Variants in CSF2RB observed in about 807,000 individuals in gnomAD.
CSF2RB encodes the protein colony stimulating factor 2 receptor subunit beta.
Under a neutral mutation model 67.2 loss-of-function variants are expected in CSF2RB, and 22 were observed. That is an observed-to-expected ratio of 0.33 (90% CI 0.23 to 0.47). CSF2RB has a LOEUF of 0.47. Among genes scored for constraint, CSF2RB ranks in the 20% least tolerant of loss-of-function variants. The probability of loss-of-function intolerance (pLI) is 1.00; values close to 1 mark genes in which losing one functional copy is unlikely to be tolerated. For missense variants in CSF2RB, 1,113 were observed against 1,174.5 expected (o/e 0.95, Z 0.76); for synonymous variants, 507 against 482.9 (o/e 1.05, Z -0.65).
At chr22:36,930,178 G>T (rs779567223) in intron 6 of CSF2RB, among the ~76,000 whole-genome samples, 197 bp from the exon 7 acceptor site, 14 of 151,882 alleles carry the variant, frequency 9.2e-5, no homozygotes, top group Non-Finnish European at 1.8e-4. Context: ...CCGGGAGGGC[G>T]TGCAGGTGCA....
rs1406699714 is a variant in CSF2RB, at chr22:36,938,065, C to T, written c.2257C>T (p.Pro753Ser). 1 of 1,614,018 alleles carries T rather than the reference C, an allele frequency of 6.2e-7. No individual in the cohort carries two copies. Among genetic ancestry groups the T allele is most frequent in the African/African-American group, 1.3e-5 (1 of 74,922 alleles). The change falls in exon 14 of 14, where the codon CCT (proline) becomes TCT (serine). Residue 753 changes from proline to serine, a missense_variant. Pro to Ser is a moderately conservative substitution (Grantham distance 74). Around this residue, in one of 2 missense-constraint regions of CSF2RB, gnomAD observed 554 missense variants for 517.9 expected, o/e 1.07. Coordinates refer to ENST00000403662, the MANE Select transcript of CSF2RB (RefSeq NM_000395.3). ...ATGTCCTGGGCTGGCCAGTGGACCC[C>T]CTGGAGCCCCAGGCCCTGTGAAGTC... ...SLCPGLASGP[P>S]GAPGPVKSGF...
chr22:36,923,410 C>T (rs370015700), intron 3 of CSF2RB, 43 bp downstream of exon 3: 10 of 1,603,176 alleles, frequency 6.2e-6, no homozygotes, highest in Admixed American at 1.7e-5. Flanking sequence ...GGGGCTACGA[C>T]GTCCCCTGTG....
chr22:36,936,211 G>A (rs545054772), intron 12 of CSF2RB, among the ~76,000 whole-genome samples: 1 of 152,288 alleles, frequency 6.6e-6, no homozygotes, highest in African/African-American at 2.4e-5. Flanking sequence ...GGTGATGGGA[G>A]CCCTATAGTC....
At chr22:36,924,804 C>T (rs1039311612) in intron 3 of CSF2RB, among the ~76,000 whole-genome samples, 3 of 152,150 alleles carry the variant, frequency 2.0e-5, no homozygotes, top group Non-Finnish European at 4.4e-5. Flanking sequence ...GCCCACAGCT[C>T]ACCCAGTGCC....
rs555525962 is a variant in CSF2RB, at chr22:36,938,692, GACAC to G, written c.*203_*206del. 14 of 591,696 alleles carry G rather than the reference GACAC, an allele frequency of 2.4e-5. No homozygotes were observed. Among genetic ancestry groups the G allele is most frequent in the South Asian group, 6.4e-5 (3 of 47,046 alleles). The allele number at this position is 591,696 out of a possible 1,614,324, so 36.7% of individuals were successfully genotyped here. On this transcript the variant is annotated 3_prime_UTR_variant, in exon 14 of 14. Transcript: ENST00000403662. ...TCACTTCTCTCCCTGCGCTCACACA[GACAC>G]ACACACACACACGTACATGCACACA...
rs1940893557 is a variant in CSF2RB at position 36,922,278 on chromosome 22, CAGA to C, written c.74_76del (p.Glu26del). On this transcript the variant is annotated inframe_deletion and splice_region_variant, in exon 2 of 14. Transcript: ENST00000403662. Reference sequence around the variant, plus strand: ...TGCTGGGAGCGCAGCCTGGCAGGGGCAGAAGGTGAGTCCCGTGGCTCCCACCCA... The same window carrying C: ...TGCTGGGAGCGCAGCCTGGCAGGGGCAGGTGAGTCCCGTGGCTCCCACCCA... 2 of 1,574,814 alleles carry C rather than the reference CAGA, an allele frequency of 1.3e-6. No homozygotes were observed. The highest frequency in any genetic ancestry group is 1.7e-6 in the Non-Finnish European group (2 of 1,160,326).
intron 1 of CSF2RB, among the ~76,000 whole-genome samples, chr22:36,917,090 C>T (rs1940736943): frequency 6.6e-6 from 1 of 152,200 alleles, no homozygotes; most frequent in Non-Finnish European, 1.5e-5. Context: ...GTTTCCGCCA[C>T]TGCTTCATTT....
Position 36,930,735 on chromosome 22 carries a change from G to C in CSF2RB, c.917G>C (p.Cys306Ser). ...GGCAGCCTCCACACCAGGCACCACT[G>C]CCAGATTCCCGTGCCCGACCCCGCG... ...GLGSLHTRHH[C>S]QIPVPDPATH... The change falls in exon 8 of 14, where the codon TGC becomes TCC. Residue 306 changes from cysteine to serine, a missense_variant. Physicochemically the swap from Cys to Ser is moderately radical, Grantham distance 112 (BLOSUM62 -1). Coordinates refer to ENST00000403662, the MANE Select transcript of CSF2RB (RefSeq NM_000395.3). 6.2e-7 allele frequency: 1 copy of C among 1,613,632 alleles called. No individual in the cohort carries two copies. Among genetic ancestry groups the C allele is most frequent in the Non-Finnish European group, 8.5e-7 (1 of 1,180,030 alleles).
At chr22:36,919,170 G>A (rs778905998) in intron 1 of CSF2RB, among the ~76,000 whole-genome samples, 37 of 152,316 alleles carry the variant, frequency 2.4e-4, no homozygotes, top group Non-Finnish European at 4.1e-4. Context: ...GTTGCCAGGA[G>A]GAAAGGGACA....
intron 2 of CSF2RB, chr22:36,922,534 G>A (rs1260456912): frequency 1.2e-5 from 7 of 585,168 alleles, no homozygotes; most frequent in South Asian, 2.0e-5. Flanking sequence ...CGGCACTCCC[G>A]GCCCCTAGGC....
Position 36,937,232 on chromosome 22 carries a change from C to G in CSF2RB, c.1569-145C>G. On this transcript the variant is annotated intron_variant, in intron 13 of 13. Transcript: ENST00000403662. This position sits in a 1 kb window ranked among gnomAD's most constrained non-coding sequence, Gnocchi z 4.6. ...TCTCTGGGGCCCCTGCTCCCTCAAC[C>G]CTGTCCCGTTCAGGTTCTCTCTGTG... The G allele has an allele frequency of 1.9e-6, 2 of 1,040,074 alleles. No individual in the cohort carries two copies. Among genetic ancestry groups the G allele is most frequent in the Non-Finnish European group, 2.8e-6 (2 of 702,410 alleles). 64.4% of individuals were successfully genotyped at this position (1,040,074 alleles called of 1,614,324 possible).
intron 3 of CSF2RB, among the ~76,000 whole-genome samples, chr22:36,924,053 G>A (rs1198028812): frequency 1.3e-5 from 2 of 152,084 alleles, no homozygotes; most frequent in Non-Finnish European, 2.9e-5. Flanking sequence ...AACCAGAGAG[G>A]CAGATGACAA....
intron 1 of CSF2RB, among the ~76,000 whole-genome samples, chr22:36,921,108 T>C (rs1023148457): frequency 8.5e-6 from 1 of 117,572 alleles, no homozygotes; most frequent in Non-Finnish European, 2.0e-5. Flanking sequence ...TGTGTGTCTG[T>C]GTATGTGTGC....
chr22:36,926,642 G>A (rs1291376030), intron 4 of CSF2RB, among the ~76,000 whole-genome samples: 1 of 152,230 alleles, frequency 6.6e-6, no homozygotes, highest in Non-Finnish European at 1.5e-5. Context: ...TGGTAGACAG[G>A]GAGCTTGTCT....
rs759668933 is a variant in CSF2RB, at chr22:36,930,695, C to A, written c.877C>A (p.Leu293Met). The A allele has an allele frequency of 5.6e-6, 9 of 1,612,878 alleles. No homozygotes were observed. The highest frequency in any genetic ancestry group is 4.0e-5 in the African/African-American group (3 of 74,892). Residue 293 changes from leucine to methionine, a missense_variant, in exon 8 of 14, where the codon CTG becomes ATG. This residue lies in a region of CSF2RB where 559 missense variants were observed against 656.5 expected (regional missense o/e 0.85). Transcript: ENST00000403662. ...CAGGGAGGAAGAGTGCTCCCCAGTG[C>A]TGAGGGAGGGGCTCGGCAGCCTCCA... ...DAGEEECSPVLREGLGSLHTR... is the reference protein window; with the variant it reads ...DAGEEECSPVMREGLGSLHTR...
At chr22:36,921,542 T>C (rs1362381455) in intron 1 of CSF2RB, among the ~76,000 whole-genome samples, 3 of 152,074 alleles carry the variant, frequency 2.0e-5, no homozygotes, top group Non-Finnish European at 2.9e-5. Flanking sequence ...GAGCCACACT[T>C]GTCTGTTCTG....
In CSF2RB at chr22:36,933,706, AAGCCGC is replaced by A; in HGVS notation, c.1153-122_1153-117del. On this transcript the variant is annotated intron_variant, in intron 9 of 13. Coordinates refer to ENST00000403662, the MANE Select transcript of CSF2RB (RefSeq NM_000395.3). ...GGGAGGATCCACGGTGGTGAGAGAG[AAGCCGC>A]AGCAGGCCTGGGGTATGGCAGGAGC... 27 of 1,306,392 alleles carry A rather than the reference AAGCCGC, an allele frequency of 2.1e-5. 2 individuals carry two copies. In the South Asian group the frequency reaches 3.3e-4, roughly 16 times the overall value. The allele number at this position is 1,306,392 out of a possible 1,614,324, so 80.9% of individuals were successfully genotyped here. A position where few individuals can be genotyped will look rare whatever the true frequency, so the allele number is the denominator to read the frequency against.
intron 13 of CSF2RB, 95 bp downstream of exon 13, chr22:36,936,747 G>T: frequency 9.0e-7 from 1 of 1,110,936 alleles, no homozygotes; most frequent in South Asian, 1.4e-5. Context: ...GCTGCCTGTG[G>T]CTCACTGTGA....
chr22:36,923,909 C>G (rs2145787672), intron 3 of CSF2RB: 3 of 605,528 alleles, frequency 5.0e-6, no homozygotes, highest in African/African-American at 1.9e-5. Context: ...CCCAGGCCCC[C>G]CCTCCGTATG....
Sources: allele counts gnomAD v4.1 joint callset (sites outside exome capture counted in the v4.1 genomes callset), GRCh38; gene constraint gnomAD v4.1.1; regional missense constraint gnomAD v4.1.1; non-coding constraint Gnocchi (gnomAD v3.1); transcripts MANE v1.5; gene names NCBI Gene and HGNC (gene_info 2026-07-23, HGNC 2026-07-21).